The following GPC6 variants were observed in gnomAD, a reference collection of about 807,000 sequenced individuals.
The protein encoded by GPC6 is glypican-6.
A neutral mutation model predicts 55.2 loss-of-function variants in GPC6; 14 were observed. The ratio of observed to expected loss-of-function variants is 0.25; its 90% confidence interval spans 0.17 to 0.40. The LOEUF (loss-of-function observed/expected upper bound fraction) is 0.40, where lower values mean the gene tolerates loss of function less well. GPC6 is among the 10% of genes least tolerant of loss of function. GPC6 has a pLI of 1.00. For synonymous variants in GPC6, 278 were observed against 259.6 expected (o/e 1.07, Z -0.68); for missense variants, 641 against 708.5 (o/e 0.90, Z 1.08).
chr13:94,196,208 G>A (rs143142648), intron 4 of GPC6, among the ~76,000 whole-genome samples: 93 of 149,348 alleles, frequency 6.2e-4, no homozygotes, highest in African/African-American at 2.1e-3. Context: ...TTCTTAATTA[G>A]GGTTTACAGC....
At chr13:93,833,964 A>T (rs1481875341) in intron 3 of GPC6, among the ~76,000 whole-genome samples, 2 of 152,106 alleles carry the variant, frequency 1.3e-5, no homozygotes, top group African/African-American at 4.8e-5. Context: ...GCCAGCCAGG[A>T]TTCATTTTCT....
intron 2 of GPC6, among the ~76,000 whole-genome samples, chr13:93,729,698 C>T (rs752606917): frequency 5.3e-5 from 8 of 152,130 alleles, no homozygotes; most frequent in Non-Finnish European, 1.0e-4. Context: ...GCTTATGATT[C>T]AACCATCCTA....
At chr13:94,226,377 A>C (rs376191965) in intron 4 of GPC6, among the ~76,000 whole-genome samples, 1 of 152,106 alleles carries the variant, frequency 6.6e-6, no homozygotes, top group South Asian at 2.1e-4. Flanking sequence ...TAGGATGGCT[A>C]TAGCTAACAA....
chr13:94,013,820 T>A (rs1882348277), intron 3 of GPC6, among the ~76,000 whole-genome samples: 1 of 152,200 alleles, frequency 6.6e-6, no homozygotes, highest in African/African-American at 2.4e-5. Context: ...AGCATTGATG[T>A]TACTTAAACT....
intron 6 of GPC6, among the ~76,000 whole-genome samples, chr13:94,344,671 C>G (rs913533003): frequency 6.6e-6 from 1 of 152,204 alleles, no homozygotes; most frequent in Admixed American, 6.5e-5. Flanking sequence ...GTATCTCCAG[C>G]CCCCGCTAAC....
intron 3 of GPC6, among the ~76,000 whole-genome samples, chr13:93,863,240 A>G (rs983959489): frequency 3.3e-5 from 5 of 151,624 alleles, no homozygotes; most frequent in African/African-American, 1.2e-4. Flanking sequence ...ATGACATTTT[A>G]TTTGAACACA....
At chr13:94,205,592 C>G (rs1889876189) in intron 4 of GPC6, among the ~76,000 whole-genome samples, 1 of 152,150 alleles carries the variant, frequency 6.6e-6, no homozygotes, top group Admixed American at 6.5e-5. Flanking sequence ...AGTTTATGTC[C>G]TGCCTTGCAA....
chr13:93,780,032 C>T (rs1476563140), intron 2 of GPC6, among the ~76,000 whole-genome samples: 1 of 152,024 alleles, frequency 6.6e-6, no homozygotes, highest in African/African-American at 2.4e-5. Flanking sequence ...ACCCAATACA[C>T]ATAGAGATGA....
chr13:93,372,732 A>G (rs1184798769), intron 1 of GPC6, among the ~76,000 whole-genome samples: 1 of 152,190 alleles, frequency 6.6e-6, no homozygotes, highest in African/African-American at 2.4e-5. Context: ...TATGGAGTCT[A>G]TTAGAAAGAC....
chr13:94,087,203 T>C (rs1885314742), intron 4 of GPC6, among the ~76,000 whole-genome samples: 1 of 152,206 alleles, frequency 6.6e-6, no homozygotes, highest in Non-Finnish European at 1.5e-5. Context: ...AATGAGCAGA[T>C]CTAAGAAATT....
chr13:93,464,117 C>T (rs1381019772), intron 1 of GPC6, among the ~76,000 whole-genome samples: 1 of 152,072 alleles, frequency 6.6e-6, no homozygotes, highest in African/African-American at 2.4e-5. Flanking sequence ...TACTTTATTG[C>T]TAAAAAAATG....
At chr13:93,899,789 C>T (rs925511091) in intron 3 of GPC6, among the ~76,000 whole-genome samples, 4 of 151,912 alleles carry the variant, frequency 2.6e-5, no homozygotes, top group Admixed American at 6.6e-5. Flanking sequence ...CTGTCAAGGC[C>T]TTTGAGGAAA....
chr13:93,409,043 T>G (rs143478946), intron 1 of GPC6, among the ~76,000 whole-genome samples: 428 of 152,206 alleles, frequency 2.8e-3, no homozygotes, highest in African/African-American at 9.7e-3. Flanking sequence ...GTGAGCTTAC[T>G]AGTTAGAGAG....
At chr13:94,134,577 G>C (rs929555191) in intron 4 of GPC6, among the ~76,000 whole-genome samples, 5 of 152,040 alleles carry the variant, frequency 3.3e-5, no homozygotes, top group African/African-American at 1.2e-4. Context: ...TCATAAATGA[G>C]GTGTCCTCCT....
chr13:93,775,287 A>C (rs569673782), intron 2 of GPC6, among the ~76,000 whole-genome samples: 1 of 152,232 alleles, frequency 6.6e-6, no homozygotes, highest in South Asian at 2.1e-4. Flanking sequence ...CCATAGGCGC[A>C]CACTGCCTCC....
intron 3 of GPC6, among the ~76,000 whole-genome samples, chr13:93,931,665 G>A (rs1377108617): frequency 6.7e-6 from 1 of 150,248 alleles, no homozygotes; most frequent in East Asian, 2.0e-4. Flanking sequence ...TCAGAAGGCT[G>A]AGGCGGAAGA....
At chr13:93,838,927 T>C (rs1020921628) in intron 3 of GPC6, among the ~76,000 whole-genome samples, 3 of 152,098 alleles carry the variant, frequency 2.0e-5, no homozygotes, top group African/African-American at 7.2e-5. Flanking sequence ...GCAACATTTA[T>C]CTAGAGAAAG....
chr13:94,104,687 G>T (rs897741635), intron 4 of GPC6, among the ~76,000 whole-genome samples: 4 of 152,048 alleles, frequency 2.6e-5, no homozygotes, highest in South Asian at 2.1e-4. Flanking sequence ...CAAACAGAGA[G>T]CCAAATCATG....
intron 3 of GPC6, among the ~76,000 whole-genome samples, chr13:93,868,710 A>T (rs1370428900): frequency 6.6e-6 from 1 of 151,828 alleles, no homozygotes; most frequent in Non-Finnish European, 1.5e-5. Context: ...GGCACTTTTC[A>T]TACTATTAAT....
Sources: gnomAD v4.1 joint callset for allele counts (sites outside exome capture counted in the v4.1 genomes callset) on GRCh38, gnomAD v4.1.1 for gene constraint, MANE v1.5 for transcripts, NCBI Gene and HGNC (gene_info 2026-07-23, HGNC 2026-07-21) for gene names.